The following FBXO10 variants were observed in gnomAD, a reference collection of about 807,000 sequenced individuals.
FBXO10 encodes F-box protein 10, also known as F-box only protein 10.
Under a neutral mutation model 80.7 loss-of-function variants are expected in FBXO10, and 39 were observed. The observed-to-expected ratio is 0.48, with a 90% CI of 0.37 to 0.63. The LOEUF (loss-of-function observed/expected upper bound fraction) is 0.63, where lower values mean the gene tolerates loss of function less well. Among genes scored for constraint, FBXO10 ranks in the 30% least tolerant of loss-of-function variants. The pLI, the probability that FBXO10 is intolerant of heterozygous loss-of-function variation, is 0.00. For synonymous variants in FBXO10, 449 were observed against 489.6 expected (o/e 0.92, Z 1.09); for missense variants, 1,025 against 1,269.0 (o/e 0.81, Z 2.92).
chr9:37,563,188 C>A (rs1047676324), intron 1 of FBXO10, among the ~76,000 whole-genome samples: 4 of 152,182 alleles, frequency 2.6e-5, no homozygotes, highest in Non-Finnish European at 5.9e-5. Context: ...TGAAGAGGTG[C>A]CTTCTGCCAT....
chr9:37,568,302 A>T (rs1022271786), intron 1 of FBXO10, among the ~76,000 whole-genome samples: 15 of 151,986 alleles, frequency 9.9e-5, no homozygotes, highest in South Asian at 2.1e-4. Context: ...GATTCAAGTG[A>T]TTCTCCTGCC....
intron 1 of FBXO10, among the ~76,000 whole-genome samples, chr9:37,557,466 T>C (rs1371474144): frequency 6.6e-6 from 1 of 152,176 alleles, no homozygotes; most frequent in African/African-American, 2.4e-5. Context: ...AGGACCTGAG[T>C]GGGGTAGATG....
intron 1 of FBXO10, among the ~76,000 whole-genome samples, chr9:37,554,214 G>A (rs561188032): frequency 4.6e-5 from 7 of 152,100 alleles, no homozygotes; most frequent in East Asian, 3.9e-4. Flanking sequence ...AACTATACAC[G>A]TCTCAATTCT....
intron 1 of FBXO10, among the ~76,000 whole-genome samples, chr9:37,542,596 C>CCAAAA (rs1821951204): frequency 7.9e-6 from 1 of 126,218 alleles, no homozygotes; most frequent in African/African-American, 3.1e-5. Context: ...ATCTCCATCT[C>CCAAAA]AAAAAAAAAA....
chr9:37,569,395 C>CAAAAAAAAAA (rs35292200), intron 1 of FBXO10, among the ~76,000 whole-genome samples: 2 of 123,106 alleles, frequency 1.6e-5, no homozygotes, highest in Non-Finnish European at 3.3e-5. Context: ...AGATATAAAG[C>CAAAAAAAAAA]AAAAAAAAAA....
At chr9:37,532,668 C>T (rs1201752117) in intron 3 of FBXO10, among the ~76,000 whole-genome samples, 3 of 152,108 alleles carry the variant, frequency 2.0e-5, no homozygotes, top group Non-Finnish European at 4.4e-5. Flanking sequence ...TTAACTAAAA[C>T]CTGGACCAAA....
intron 8 of FBXO10, among the ~76,000 whole-genome samples, chr9:37,520,522 C>CTTT (rs1191753429): frequency 9.2e-3 from 764 of 83,272 alleles, no homozygotes; most frequent in Middle Eastern, 0.019. Context: ...CCTTCTTCTT[C>CTTT]TTTTTTTTTT....
chr9:37,564,733 A>G (rs940504558), intron 1 of FBXO10, among the ~76,000 whole-genome samples: 2 of 152,326 alleles, frequency 1.3e-5, no homozygotes, highest in Admixed American at 1.3e-4. Context: ...TATTTACCCA[A>G]TGTCTGTACC....
rs868792555 is a variant in FBXO10 at position 37,575,294 on chromosome 9, C to T, written c.-7+917G>A. ...ATTGTAAAAGAGAAGGCAAAGGGGGCCCAGAATGAGAAAAAGAAAAGGTCT... is the reference window on the plus strand; with the variant it reads ...ATTGTAAAAGAGAAGGCAAAGGGGGTCCAGAATGAGAAAAAGAAAAGGTCT... On this transcript the variant is annotated intron_variant, in intron 1 of 10. Transcript: ENST00000432825. Among the ~76,000 whole-genome samples, 14 of 152,116 alleles carry T rather than the reference C, an allele frequency of 9.2e-5. No homozygotes were observed. In the South Asian group the frequency reaches 1.2e-3, roughly 14 times the overall value.
At chr9:37,531,794 G>T in intron 4 of FBXO10, 115 bp downstream of exon 4, 1 of 1,129,530 alleles carries the variant, frequency 8.9e-7, no homozygotes, top group Non-Finnish European at 1.3e-6. Context: ...CAGAGCAGGA[G>T]CCACCTGCAA....
chr9:37,564,649 A>G (rs552188573), intron 1 of FBXO10, among the ~76,000 whole-genome samples: 2 of 152,238 alleles, frequency 1.3e-5, no homozygotes, highest in South Asian at 4.1e-4. Context: ...AGGTTTAATA[A>G]CTAACCTATT....
intron 1 of FBXO10, among the ~76,000 whole-genome samples, chr9:37,554,420 T>C (rs1289808125): frequency 6.6e-6 from 1 of 152,236 alleles, no homozygotes; most frequent in Admixed American, 6.5e-5. Context: ...TTTATGATGC[T>C]GAGGACTATT....
intron 4 of FBXO10, among the ~76,000 whole-genome samples, chr9:37,529,573 A>G (rs1821564481): frequency 6.6e-6 from 1 of 152,208 alleles, no homozygotes; most frequent in Non-Finnish European, 1.5e-5. Flanking sequence ...TGAGTCCCCT[A>G]AACACATAAT....
chr9:37,541,598 A>C lies in FBXO10; in HGVS notation c.171T>G (p.His57Gln). ...QLCLGCTECR[H>Q]PNWPNQPDVE... ...CATCTGGCTGGTTGGGCCAATTGGG[A>C]TGGCGGCACTCGGTGCAACCCAGAC... The change falls in exon 2 of 11, where the codon CAT becomes CAG. Residue 57 changes from histidine (H) to glutamine (Q), a missense_variant. This residue lies in a region of FBXO10 where 450 missense variants were observed against 499.4 expected (regional missense o/e 0.90). Coordinates refer to ENST00000432825, the MANE Select transcript of FBXO10 (RefSeq NM_012166.3). The C allele has an allele frequency of 1.2e-6, 2 of 1,613,776 alleles. No individual in the cohort carries two copies. The highest frequency in any genetic ancestry group is 1.7e-6 in the Non-Finnish European group (2 of 1,179,786).
chr9:37,541,827 C>A, intron 1 of FBXO10, 53 bp from the exon 2 acceptor site: 1 of 1,420,290 alleles, frequency 7.0e-7, no homozygotes. Context: ...ACTTACCAGT[C>A]CCCCTTTTTT....
intron 9 of FBXO10, among the ~76,000 whole-genome samples, chr9:37,517,438 C>T (rs555451761): frequency 3.6e-5 from 5 of 139,366 alleles, no homozygotes; most frequent in South Asian, 4.4e-4. Flanking sequence ...CACAGTGAAA[C>T]GGAGCTCTGC....
In FBXO10 at chr9:37,515,933, T is replaced by G. The variant is rs2119045709; in HGVS notation, c.2667A>C (p.Gln889His). 6.2e-7 allele frequency: 1 copy of G among 1,613,856 alleles called. No homozygotes were observed. Among genetic ancestry groups the G allele is most frequent in the South Asian group, 1.1e-5 (1 of 91,084 alleles). The change falls in exon 10 of 11, where the codon CAA (glutamine) becomes CAC (histidine). Residue 889 changes from glutamine to histidine, a missense_variant. Physicochemically the swap from Gln to His is conservative, Grantham distance 24 (BLOSUM62 0). Transcript: ENST00000432825. ...TCTTGAAGACCAGGAACTTGTTGTT[T>G]TGCATGATGCATTCTCGGTTGTTTG... ...QISNNRECIM[Q>H]NNKFLVFKKK...
intron 1 of FBXO10, chr9:37,575,395 C>T (rs1335667006): frequency 6.6e-6 from 1 of 152,226 alleles, no homozygotes; most frequent in African/African-American, 2.4e-5. Context: ...AAGCCCTTCA[C>T]GTGGGGCAAT....
At chr9:37,570,251 T>C (rs1822714997) in intron 1 of FBXO10, among the ~76,000 whole-genome samples, 1 of 151,282 alleles carries the variant, frequency 6.6e-6, no homozygotes, top group African/African-American at 2.4e-5. Flanking sequence ...GAGGTGGAGG[T>C]TGCAGTGAGC....
Sources: allele counts gnomAD v4.1 joint callset (sites outside exome capture counted in the v4.1 genomes callset), GRCh38; gene constraint gnomAD v4.1.1; regional missense constraint gnomAD v4.1.1; transcripts MANE v1.5; gene names NCBI Gene and HGNC (gene_info 2026-07-23, HGNC 2026-07-21).